The following MGAM2 variants were observed in gnomAD, a reference collection of about 807,000 sequenced individuals.
MGAM2 encodes probable maltase-glucoamylase 2.
Under a neutral mutation model 96.1 loss-of-function variants are expected in MGAM2, and 98 were observed. That is an observed-to-expected ratio of 1.02 (90% CI 0.87 to 1.21). The LOEUF (loss-of-function observed/expected upper bound fraction) is 1.21, where lower values mean the gene tolerates loss of function less well. Among genes scored for constraint, MGAM2 ranks in the 50% most tolerant of loss-of-function variants. The pLI is 0.00. For synonymous variants in MGAM2, 749 were observed against 414.8 expected (o/e 1.81, Z -9.79); for missense variants, 2,055 against 1,182.4 (o/e 1.74, Z -10.82).
intron 15 of MGAM2, among the ~76,000 whole-genome samples, chr7:142,150,615 C>T (rs1203911186): frequency 6.6e-6 from 1 of 152,068 alleles, no homozygotes. Context: ...ACTTAGTAAT[C>T]AAAACCTGCA....
intron 3 of MGAM2, among the ~76,000 whole-genome samples, chr7:142,121,214 G>A (rs1196431302): frequency 6.7e-6 from 1 of 149,166 alleles, no homozygotes; most frequent in African/African-American, 2.4e-5. Flanking sequence ...GTCTCACCTT[G>A]TCTCCTGGCT....
At chr7:142,114,216 G>GAGAGAAAGAA (rs1554499600) in intron 1 of MGAM2, among the ~76,000 whole-genome samples, 4 of 68,068 alleles carry the variant, frequency 5.9e-5, no homozygotes, top group African/African-American at 1.5e-4. Context: ...GAAAGAAAGA[G>GAGAGAAAGAA]AGAAAGAAAG....
At chr7:142,159,467 C>T (rs1795827896) in intron 20 of MGAM2, 124 bp downstream of exon 20, 1 of 615,348 alleles carries the variant, frequency 1.6e-6, no homozygotes, top group Non-Finnish European at 2.9e-6. Flanking sequence ...GATTGTGGTC[C>T]TTTTTCTGTG....
At chr7:142,211,779 T>C (rs1042347585) in intron 46 of MGAM2, among the ~76,000 whole-genome samples, 2 of 152,112 alleles carry the variant, frequency 1.3e-5, no homozygotes, top group Non-Finnish European at 2.9e-5. Context: ...CAAGGTATTA[T>C]CCAGGAGAAT....
intron 32 of MGAM2, among the ~76,000 whole-genome samples, chr7:142,181,112 G>A (rs1422031508): frequency 2.6e-5 from 4 of 152,188 alleles, no homozygotes; most frequent in African/African-American, 7.2e-5. Flanking sequence ...AAGATACTCT[G>A]ACTTTTTGAA....
At chr7:142,198,263 C>G (rs1797112521) in intron 43 of MGAM2, 68 bp downstream of exon 43, 1 of 665,690 alleles carries the variant, frequency 1.5e-6, no homozygotes, top group Non-Finnish European at 2.7e-6. Flanking sequence ...ATAGAGCCTT[C>G]TATTTCCAAG....
chr7:142,207,520 G>T (rs1162695141), intron 45 of MGAM2, among the ~76,000 whole-genome samples: 2 of 151,956 alleles, frequency 1.3e-5, no homozygotes, highest in Non-Finnish European at 2.9e-5. Flanking sequence ...CCGCCTCCTG[G>T]GTTCACGCCA....
rs570495484 is a variant in MGAM2, at chr7:142,116,009, G to A, written c.1-865G>A. Among the ~76,000 whole-genome samples the A allele has an allele frequency of 1.8e-4, 27 of 152,278 alleles. 1 individual carries two copies. The highest frequency in any genetic ancestry group is 4.3e-4 in the African/African-American group (18 of 41,556). On this transcript the variant is annotated intron_variant, in intron 1 of 47. Transcript: ENST00000477922. Reference sequence around the variant, plus strand: ...TTGAGGATGATGGAGATGGAATGGCGAAGAAGGCATTGCAGCTGAGGGCTG... The same window carrying A: ...TTGAGGATGATGGAGATGGAATGGCAAAGAAGGCATTGCAGCTGAGGGCTG...
At chr7:142,162,229 A>G (rs1795910677) in intron 23 of MGAM2, among the ~76,000 whole-genome samples, 1 of 151,906 alleles carries the variant, frequency 6.6e-6, no homozygotes, top group Non-Finnish European at 1.5e-5. Context: ...TTTTCCTGGA[A>G]AAAAAAACAT....
At chr7:142,116,797 G>A in intron 1 of MGAM2, 77 bp from the exon 2 acceptor site, 2 of 691,006 alleles carry the variant, frequency 2.9e-6, no homozygotes, top group Middle Eastern at 2.6e-4. Context: ...TCCACATTTG[G>A]ATACAATGAT....
At chr7:142,129,652 C>T (rs1481165509) in intron 3 of MGAM2, among the ~76,000 whole-genome samples, 3 of 151,308 alleles carry the variant, frequency 2.0e-5, no homozygotes, top group Non-Finnish European at 4.4e-5. Context: ...TGGTGAAACC[C>T]TGTCTCTACT....
intron 26 of MGAM2, among the ~76,000 whole-genome samples, chr7:142,168,774 CTAAA>C (rs1270975295): frequency 6.6e-6 from 1 of 152,106 alleles, no homozygotes; most frequent in African/African-American, 2.4e-5. Context: ...AACCAATGCG[CTAAA>C]ATATTATCAT....
At chr7:142,179,850 G>A (rs1796486338) in intron 32 of MGAM2, among the ~76,000 whole-genome samples, 1 of 151,952 alleles carries the variant, frequency 6.6e-6, no homozygotes, top group African/African-American at 2.4e-5. Flanking sequence ...GCCAGATATT[G>A]ATATCAGGAT....
intron 27 of MGAM2, among the ~76,000 whole-genome samples, chr7:142,170,781 C>T (rs1329671815): frequency 1.3e-5 from 2 of 152,172 alleles, no homozygotes; most frequent in Non-Finnish European, 2.9e-5. Context: ...CCAGTAGAAG[C>T]TGTCACCTGT....
At chr7:142,112,855 G>C (rs1159184593) in intron 1 of MGAM2, among the ~76,000 whole-genome samples, 1 of 151,976 alleles carries the variant, frequency 6.6e-6, no homozygotes, top group African/African-American at 2.4e-5. Context: ...AAATAATTTA[G>C]ACTAAAAGAG....
intron 45 of MGAM2, among the ~76,000 whole-genome samples, chr7:142,206,623 A>G (rs1797409094): frequency 6.6e-6 from 1 of 152,234 alleles, no homozygotes. Context: ...TTAAAGGAAT[A>G]AAGCCATTTC....
At chr7:142,152,433 A>G (rs1240900555) in intron 15 of MGAM2, among the ~76,000 whole-genome samples, 1 of 152,058 alleles carries the variant, frequency 6.6e-6, no homozygotes, top group African/African-American at 2.4e-5. Context: ...ACCTACCCCT[A>G]TTTTTGACAG....
At chr7:142,167,134 T>A (rs1796051079) in intron 25 of MGAM2, 134 bp from the exon 26 acceptor site, 2 of 573,886 alleles carry the variant, frequency 3.5e-6, no homozygotes, top group Admixed American at 3.0e-5. Context: ...TTAACATCTT[T>A]TTTAGGGGAC....
chr7:142,206,749 A>G (rs568492004), intron 45 of MGAM2, among the ~76,000 whole-genome samples: 9 of 152,336 alleles, frequency 5.9e-5, no homozygotes, highest in Non-Finnish European at 1.2e-4. Flanking sequence ...GCCTTTTTAA[A>G]CATCAAATAT....
Sources: allele counts gnomAD v4.1 joint callset (sites outside exome capture counted in the v4.1 genomes callset), GRCh38; gene constraint gnomAD v4.1.1; transcripts MANE v1.5; gene names NCBI Gene and HGNC (gene_info 2026-07-23, HGNC 2026-07-21).